ATP6V1G3: variants seen among roughly 807,000 people sequenced by gnomAD.
The protein encoded by ATP6V1G3 is ATPase H+ transporting V1 subunit G3, also known as V-type proton ATPase subunit G 3.
A neutral mutation model predicts 9.3 loss-of-function variants in ATP6V1G3; 9 were observed. The observed-to-expected ratio is 0.97, with a 90% CI of 0.59 to 1.69. The LOEUF (loss-of-function observed/expected upper bound fraction) is 1.69. Ranked by LOEUF, ATP6V1G3 falls within the 40% of genes most tolerant of loss-of-function variation. The pLI is 0.00. For missense variants in ATP6V1G3, 133 were observed against 139.0 expected (o/e 0.96, Z 0.22); for synonymous variants, 43 against 43.8 (o/e 0.98, Z 0.07).
At chr1:198,534,093 C>G (rs1660013724) in intron 1 of ATP6V1G3, among the ~76,000 whole-genome samples, 1 of 152,068 alleles carries the variant, frequency 6.6e-6, no homozygotes, top group Non-Finnish European at 1.5e-5. Flanking sequence ...GATTTGACAG[C>G]TAGAGGATTT....
chr1:198,526,505 C>T (rs1247385435), intron 2 of ATP6V1G3, among the ~76,000 whole-genome samples: 1 of 152,090 alleles, frequency 6.6e-6, no homozygotes, highest in Non-Finnish European at 1.5e-5. Flanking sequence ...TGTCATGATA[C>T]ATTTGGTCTA....
At chr1:198,536,795 T>C (rs986185460) in intron 1 of ATP6V1G3, 1 of 1,158,530 alleles carries the variant, frequency 8.6e-7, no homozygotes, top group African/African-American at 1.5e-5. Context: ...CATTATTACT[T>C]ACAGTAACAT....
In ATP6V1G3 at chr1:198,538,482, TA is replaced by T. The variant is rs1225807909; in HGVS notation, c.82+2086del. On this transcript the variant is annotated intron_variant, in intron 1 of 2. Coordinates refer to ENST00000367382, the MANE Select transcript of ATP6V1G3 (RefSeq NM_001376861.1). Reference sequence around the variant, plus strand: ...GGTAAAAATTATTTGAGTCATACAATAATATTGATTAATCTATACTCAATAT... The same window carrying T: ...GGTAAAAATTATTTGAGTCATACAATATATTGATTAATCTATACTCAATAT... 5.4e-4 allele frequency among the ~76,000 whole-genome samples: 82 copies of T among 152,224 alleles called. 1 individual carries two copies. The highest frequency in any genetic ancestry group is 6.8e-4 in the African/African-American group (28 of 41,466).
intron 2 of ATP6V1G3, among the ~76,000 whole-genome samples, chr1:198,523,881 T>A (rs1659550137): frequency 6.6e-6 from 1 of 152,172 alleles, no homozygotes; most frequent in South Asian, 2.1e-4. Flanking sequence ...TTTATGACAG[T>A]TTCCATTTAG....
chr1:198,534,264 A>G (rs1660021825), intron 1 of ATP6V1G3, among the ~76,000 whole-genome samples: 1 of 152,176 alleles, frequency 6.6e-6, no homozygotes, highest in Non-Finnish European at 1.5e-5. Context: ...TATAAGGGAA[A>G]TTTGAATACA....
At chr1:198,528,270 T>C (rs1325097430) in intron 2 of ATP6V1G3, among the ~76,000 whole-genome samples, 1 of 152,174 alleles carries the variant, frequency 6.6e-6, no homozygotes, top group African/African-American at 2.4e-5. Context: ...TGATCCTACA[T>C]GAACTCCTTA....
chr1:198,540,915 G>A (rs943132), upstream of ATP6V1G3: 3,399 of 485,050 alleles, frequency 7.0e-3, 19 homozygotes, highest in Non-Finnish European at 1.0e-2. Flanking sequence ...AGATAAGGAG[G>A]TATAAATGAG....
At chr1:198,530,900 A>G (rs1659873763) in intron 1 of ATP6V1G3, among the ~76,000 whole-genome samples, 2 of 152,172 alleles carry the variant, frequency 1.3e-5, no homozygotes, top group Admixed American at 1.3e-4. Context: ...GTTGTAGGAT[A>G]CATAATTATT....
At chr1:198,528,664 G>A (rs932580002) in intron 2 of ATP6V1G3, among the ~76,000 whole-genome samples, 1 of 151,754 alleles carries the variant, frequency 6.6e-6, no homozygotes, top group Non-Finnish European at 1.5e-5. Context: ...TATCTACTTT[G>A]GTCATTTGTA....
intron 1 of ATP6V1G3, chr1:198,536,796 A>G: frequency 8.6e-7 from 1 of 1,162,852 alleles, no homozygotes; most frequent in Admixed American, 2.0e-5. Context: ...ATTATTACTT[A>G]CAGTAACATA....
At chr1:198,524,307 T>C (rs1217596169) in intron 2 of ATP6V1G3, among the ~76,000 whole-genome samples, 4 of 152,056 alleles carry the variant, frequency 2.6e-5, no homozygotes, top group Admixed American at 1.3e-4. Context: ...GTATTTTTAG[T>C]AGAGACCGGG....
At chr1:198,528,873 C>T (rs1228483025) in intron 2 of ATP6V1G3, among the ~76,000 whole-genome samples, 1 of 151,276 alleles carries the variant, frequency 6.6e-6, no homozygotes, top group Non-Finnish European at 1.5e-5. Context: ...CTGATGGACC[C>T]TTTATGTGAG....
chr1:198,532,148 A>G (rs1194922703), intron 1 of ATP6V1G3, among the ~76,000 whole-genome samples: 1 of 152,178 alleles, frequency 6.6e-6, no homozygotes, highest in African/African-American at 2.4e-5. Flanking sequence ...AGATTTGCAT[A>G]TTAGTCATTG....
At chr1:198,539,587 A>C (rs531050035) in intron 1 of ATP6V1G3, among the ~76,000 whole-genome samples, 3 of 152,204 alleles carry the variant, frequency 2.0e-5, no homozygotes, top group African/African-American at 7.2e-5. Flanking sequence ...TGTAAAGCAC[A>C]GTGGTTAAGA....
chr1:198,540,783 C>T (rs1660315701), upstream of ATP6V1G3: 19 of 926,010 alleles, frequency 2.1e-5, no homozygotes, highest in South Asian at 2.6e-4. Flanking sequence ...TTCAAACTGG[C>T]TTTATTGGGC....
At chr1:198,531,624 G>A (rs1332519586) in intron 1 of ATP6V1G3, among the ~76,000 whole-genome samples, 1 of 152,096 alleles carries the variant, frequency 6.6e-6, no homozygotes, top group East Asian at 1.9e-4. Flanking sequence ...GTCCCCAGAT[G>A]CGATAAGTTC....
In ATP6V1G3 at chr1:198,529,085, G is replaced by T; in HGVS notation, c.179C>A (p.Ser60Tyr). The change falls in exon 2 of 3, where the codon TCT becomes TAT. Residue 60 changes from serine to tyrosine, a missense_variant. By Grantham distance (144) the Ser-to-Tyr change is moderately radical. Coordinates refer to ENST00000367382, the MANE Select transcript of ATP6V1G3 (RefSeq NM_001376861.1). ...QRDKEFRLKQ[S>Y]KIMGSQNNLS... Reference sequence around the variant, plus strand: ...AGTGCTGACTTTCTTACTCACCTTAGATTGTTTTAGTCGAAACTCTTTATC... The same window carrying T: ...AGTGCTGACTTTCTTACTCACCTTATATTGTTTTAGTCGAAACTCTTTATC... The T allele has an allele frequency of 6.8e-7, 1 of 1,474,260 alleles. No homozygotes were observed. The highest frequency in any genetic ancestry group is 9.3e-7 in the Non-Finnish European group (1 of 1,078,050). 91.3% of individuals were successfully genotyped at this position (1,474,260 alleles called of 1,614,324 possible).
chr1:198,538,135 T>A lies in ATP6V1G3; in HGVS notation c.82+2434A>T, dbSNP rs762124433. On this transcript the variant is annotated intron_variant, in intron 1 of 2. Transcript: ENST00000367382. Reference sequence around the variant, plus strand: ...GTCTTTAAAGCCTGGGTATTTACTATTACTGGTTGAATATCCCCTTGAATA... The same window carrying A: ...GTCTTTAAAGCCTGGGTATTTACTAATACTGGTTGAATATCCCCTTGAATA... Among the ~76,000 whole-genome samples, 6 of 152,308 alleles carry A rather than the reference T, an allele frequency of 3.9e-5. No homozygotes were observed. The East Asian group carries it at 1.2e-3, about 29-fold the overall frequency.
At chr1:198,536,836 AAAT>A (rs766268218) in intron 1 of ATP6V1G3, 1 of 857,144 alleles carries the variant, frequency 1.2e-6, no homozygotes. Context: ...TTAAAAATAA[AAAT>A]AACTCTAGTG....
Sources: gnomAD v4.1 joint callset for allele counts (sites outside exome capture counted in the v4.1 genomes callset) on GRCh38, gnomAD v4.1.1 for gene constraint, MANE v1.5 for transcripts, NCBI Gene and HGNC (gene_info 2026-07-23, HGNC 2026-07-21) for gene names.